Variants in SHOC1 observed in about 807,000 individuals in gnomAD.
SHOC1 encodes the protein protein shortage in chiasmata 1 ortholog.
SHOC1 carries 136 observed loss-of-function variants against 179.2 expected under a neutral mutation model. The ratio of observed to expected loss-of-function variants is 0.76; its 90% confidence interval spans 0.66 to 0.87. The LOEUF (loss-of-function observed/expected upper bound fraction) is 0.87, where lower values mean the gene tolerates loss of function less well. Ranked by LOEUF, SHOC1 falls within the 40% of genes least tolerant of loss-of-function variation. The pLI is 0.00. For synonymous variants in SHOC1, 489 were observed against 586.6 expected (o/e 0.83, Z 2.41); for missense variants, 1,538 against 1,700.8 (o/e 0.90, Z 1.68).
At chr9:111,756,037 G>A (rs1209351444) in intron 8 of SHOC1, among the ~76,000 whole-genome samples, 2 of 152,046 alleles carry the variant, frequency 1.3e-5, no homozygotes, top group African/African-American at 4.8e-5. Flanking sequence ...TGGGAGAATC[G>A]CTTGAACCTG....
At chr9:111,754,128 A>G (rs1202691981) in intron 8 of SHOC1, among the ~76,000 whole-genome samples, 1 of 152,228 alleles carries the variant, frequency 6.6e-6, no homozygotes, top group Non-Finnish European at 1.5e-5. Flanking sequence ...GTATATGTAT[A>G]TCAAAATATG....
intron 3 of SHOC1, among the ~76,000 whole-genome samples, chr9:111,784,771 A>T (rs557698742): frequency 6.6e-6 from 1 of 152,238 alleles, no homozygotes; most frequent in African/African-American, 2.4e-5. Context: ...GTGTCTAGTG[A>T]GGGCCCACTT....
chr9:111,723,912 C>G lies in SHOC1; in HGVS notation c.1835-1G>C, dbSNP rs1833182541. 6.6e-7 allele frequency: 1 copy of G among 1,515,452 alleles called. No homozygotes were observed. The highest frequency in any genetic ancestry group is 9.0e-7 in the Non-Finnish European group (1 of 1,114,880). The allele number at this position is 1,515,452 out of a possible 1,614,324, so 93.9% of individuals were successfully genotyped here. On this transcript the variant is annotated splice_acceptor_variant, in intron 13 of 27. Transcript: ENST00000682961. LOFTEE classifies it high-confidence loss of function. ...AGTGTCAAAGAACATGCTTCTTTAT[C>G]TTGAAATTCCAATAAAAAATATAAA...
intron 3 of SHOC1, 28 bp downstream of exon 3, chr9:111,785,884 C>T (rs147832190): frequency 0.014 from 19,758 of 1,426,026 alleles, 166 homozygotes; most frequent in Non-Finnish European, 0.016. Flanking sequence ...TTTTAAAACA[C>T]ATTTTTAAGA....
At chr9:111,692,681 T>C (rs1589370535) in intron 26 of SHOC1, among the ~76,000 whole-genome samples, 170 bp from the exon 27 acceptor site, 1 of 152,332 alleles carries the variant, frequency 6.6e-6, no homozygotes, top group Non-Finnish European at 1.5e-5. Context: ...GAAAAATTCA[T>C]TGTAATTCAT....
intron 12 of SHOC1, 57 bp from the exon 13 acceptor site, chr9:111,728,106 T>G (rs1833393920): frequency 3.3e-6 from 4 of 1,227,154 alleles, no homozygotes; most frequent in African/African-American, 1.5e-5. Flanking sequence ...GAGTGTTCTA[T>G]TAGGTATTTG....
At chr9:111,729,011 CA>C (rs1445476696) in intron 12 of SHOC1, among the ~76,000 whole-genome samples, 1 of 152,160 alleles carries the variant, frequency 6.6e-6, no homozygotes, top group Non-Finnish European at 1.5e-5. Context: ...TCTAAACAAA[CA>C]AGTACATACT....
chr9:111,759,233 C>G, intron 5 of SHOC1: 1 of 1,613,826 alleles, frequency 6.2e-7, no homozygotes, highest in Non-Finnish European at 8.5e-7. Context: ...CCTTGGTCTT[C>G]TCTGCATCAT....
intron 5 of SHOC1, among the ~76,000 whole-genome samples, chr9:111,767,905 C>A (rs974380589): frequency 2.0e-5 from 3 of 151,626 alleles, no homozygotes; most frequent in Non-Finnish European, 4.4e-5. Context: ...AGGTCTTTCA[C>A]TTCTTTGGTA....
intron 9 of SHOC1, among the ~76,000 whole-genome samples, chr9:111,747,390 T>C (rs1834337940): frequency 6.6e-6 from 1 of 152,102 alleles, no homozygotes; most frequent in African/African-American, 2.4e-5. Context: ...AACGATAACA[T>C]TGCTTTGGGA....
At chr9:111,705,060 T>C (rs764250790) in intron 21 of SHOC1, among the ~76,000 whole-genome samples, 187 bp downstream of exon 21, 30 of 151,968 alleles carry the variant, frequency 2.0e-4, no homozygotes, top group Non-Finnish European at 3.5e-4. Context: ...GAAGTATACA[T>C]TGATATAAAC....
At position 111,692,420 on chromosome 9, in the gene SHOC1, T is replaced by G. The variant is rs989323279; in HGVS notation, c.3557A>C (p.Gln1186Pro). The G allele has an allele frequency of 1.2e-6, 2 of 1,611,760 alleles. No individual in the cohort carries two copies. Among genetic ancestry groups the G allele is most frequent in the African/African-American group, 1.3e-5 (1 of 75,010 alleles). The change falls in exon 27 of 28, where the codon CAG becomes CCG. Residue 1186 changes from glutamine to proline, a missense_variant. Coordinates refer to ENST00000682961, the MANE Select transcript of SHOC1 (RefSeq NM_001378211.1). The part of the protein sequence containing the change: ...QISSPQENRN[Q>P]ISTLSSQSSA... ...ACTTTGAGAAGACAAGGTACTAATCTGATTCCTATTTTCCTGAGGTGACGA... is the reference window on the plus strand; with the variant it reads ...ACTTTGAGAAGACAAGGTACTAATCGGATTCCTATTTTCCTGAGGTGACGA...
At chr9:111,769,426 T>C (rs1227919950) in intron 5 of SHOC1, among the ~76,000 whole-genome samples, 1 of 152,196 alleles carries the variant, frequency 6.6e-6, no homozygotes. Flanking sequence ...GGCTTCAATC[T>C]TATTACTCAT....
intron 20 of SHOC1, 52 bp from the exon 21 acceptor site, chr9:111,705,416 T>C: frequency 1.5e-6 from 1 of 666,860 alleles, no homozygotes; most frequent in South Asian, 3.8e-5. Flanking sequence ...ATCTCCCAGC[T>C]CTTTCTCTTT....
rs544966963 is a variant in SHOC1 at position 111,779,659 on chromosome 9, T to A, written c.257+1271A>T. On this transcript the variant is annotated intron_variant, in intron 4 of 27. Coordinates refer to ENST00000682961, the MANE Select transcript of SHOC1 (RefSeq NM_001378211.1). ...CTAACTCATAAGGTGAAAAGACATC[T>A]TAGAGATCGTCTCGCATCTTGTTAC... Among the ~76,000 whole-genome samples, 10 of 152,270 alleles carry A rather than the reference T, an allele frequency of 6.6e-5. No individual in the cohort carries two copies. The South Asian group carries it at 2.1e-3, about 32-fold the overall frequency.
chr9:111,746,361 A>G lies in SHOC1; in HGVS notation c.971-19T>C, dbSNP rs769503918. 6.8e-7 allele frequency: 1 copy of G among 1,476,704 alleles called. No individual in the cohort carries two copies. The highest frequency in any genetic ancestry group is 1.7e-5 in the Admixed American group (1 of 59,588). 91.5% of individuals were successfully genotyped at this position (1,476,704 alleles called of 1,614,324 possible). A position where few individuals can be genotyped will look rare whatever the true frequency, so the allele number is the denominator to read the frequency against. On this transcript the variant is annotated intron_variant, in intron 9 of 27. Transcript: ENST00000682961. ...AACTCTCCTGGAATATATGAAAATT[A>G]AAGTTATGTAAACATTGAATAATAT...
In SHOC1 at chr9:111,694,843, T is replaced by A. The variant is rs543677054; in HGVS notation, c.3184-481A>T. Among the ~76,000 whole-genome samples the A allele has an allele frequency of 2.0e-5, 3 of 152,094 alleles. No homozygotes were observed. The South Asian group carries it at 6.2e-4, about 32-fold the overall frequency. ...GATGTTGTATTCAAAAAAGAAAAAATAAGGTTTTGATTTAGAGTAGTCATC... is the reference window on the plus strand; with the variant it reads ...GATGTTGTATTCAAAAAAGAAAAAAAAAGGTTTTGATTTAGAGTAGTCATC... On this transcript the variant is annotated intron_variant, in intron 24 of 27. Coordinates refer to ENST00000682961, the MANE Select transcript of SHOC1 (RefSeq NM_001378211.1).
chr9:111,758,098 T>C lies in SHOC1; in HGVS notation c.694A>G (p.Ile232Val). The C allele has an allele frequency of 6.6e-7, 1 of 1,521,508 alleles. No homozygotes were observed. The allele number at this position is 1,521,508 out of a possible 1,614,324, so 94.3% of individuals were successfully genotyped here. A position where few individuals can be genotyped will look rare whatever the true frequency, so the allele number is the denominator to read the frequency against. Residue 232 changes from isoleucine to valine, a missense_variant, in exon 7 of 28, where the codon ATA (isoleucine) becomes GTA (valine). Transcript: ENST00000682961. ...AGTATTACAACCTCATTTAAACATA[T>C]TGTATCTTCTAGTTTCTCTTGACAA... Reference protein sequence around the residue: ...NFCQEKLEDTICLNEPSSFLI... With the variant: ...NFCQEKLEDTVCLNEPSSFLI...
rs1347513308 is a variant in SHOC1, at chr9:111,693,930, C to T, written c.3334G>A (p.Asp1112Asn). ...ACCAATGGGTTAATACATGGAAAAT[C>T]AAGTAAGTACATTTCTTCCTAGAAA... ...SPSEEEMYLL[D>N]FPCINPLVAQ... The change falls in exon 26 of 28, where the codon GAT becomes AAT. Residue 1112 changes from aspartate (D) to asparagine (N), a missense_variant. Coordinates refer to ENST00000682961, the MANE Select transcript of SHOC1 (RefSeq NM_001378211.1). 6.2e-7 allele frequency: 1 copy of T among 1,608,962 alleles called. No individual in the cohort carries two copies. Among genetic ancestry groups the T allele is most frequent in the Non-Finnish European group, 8.5e-7 (1 of 1,177,038 alleles).
Sources: allele counts gnomAD v4.1 joint callset (sites outside exome capture counted in the v4.1 genomes callset), GRCh38; gene constraint gnomAD v4.1.1; transcripts MANE v1.5; gene names NCBI Gene and HGNC (gene_info 2026-07-23, HGNC 2026-07-21).